The following RRN3 variants were observed in gnomAD, a reference collection of about 807,000 sequenced individuals.
RRN3 encodes RNA polymerase I transcription factor RRN3.
Under a neutral mutation model 82.3 loss-of-function variants are expected in RRN3, and 38 were observed. That is an observed-to-expected ratio of 0.46 (90% CI 0.36 to 0.61). RRN3 has a LOEUF of 0.61. Among genes scored for constraint, RRN3 ranks in the 20% least tolerant of loss-of-function variants. RRN3 has a pLI of 0.00. For synonymous variants in RRN3, 284 were observed against 284.3 expected, an observed-to-expected ratio of 1.00 and a Z score of 0.01; for missense variants, 726 against 793.1, an observed-to-expected ratio of 0.92 and a Z score of 1.02.
In RRN3 at chr16:15,068,284, T is replaced by C. The variant is rs1235626660; in HGVS notation, c.1445-7A>G. On this transcript the variant is annotated splice_region_variant and splice_polypyrimidine_tract_variant and intron_variant, in intron 14 of 17. Transcript: ENST00000198767. ...CTCTGAAGATACTGCAAACCTTTGG[T>C]TTAAAAAAAAAAAAGATTTTTTTAA... The C allele has an allele frequency of 6.4e-7, 1 of 1,559,610 alleles. No individual in the cohort carries two copies. Among genetic ancestry groups the C allele is most frequent in the Non-Finnish European group, 8.6e-7 (1 of 1,159,774 alleles).
chr16:15,063,472 G>A (rs942542656), intron 16 of RRN3, among the ~76,000 whole-genome samples, 189 bp from the exon 17 acceptor site: 9 of 152,078 alleles, frequency 5.9e-5, no homozygotes, highest in Non-Finnish European at 1.3e-4. Flanking sequence ...ACTTTGGGAG[G>A]CTGAGGTGGG....
chr16:15,083,381 A>G (rs1023142474), intron 8 of RRN3, 132 bp downstream of exon 8: 79 of 1,383,158 alleles, frequency 5.7e-5, no homozygotes, highest in Non-Finnish European at 7.1e-5. Context: ...CTTGGGCGAC[A>G]GAGTGAGACT....
chr16:15,092,047 T>C (rs2151828179), intron 2 of RRN3, among the ~76,000 whole-genome samples: 1 of 152,142 alleles, frequency 6.6e-6, no homozygotes, highest in South Asian at 2.1e-4. Flanking sequence ...GGTGTGGTGG[T>C]GTGTGCCTGT....
chr16:15,094,280 T>C (rs1435516390), upstream of RRN3: 1 of 1,434,590 alleles, frequency 7.0e-7, no homozygotes, highest in Non-Finnish European at 9.6e-7. Flanking sequence ...GATGCCCAGC[T>C]CCTTCCAGCC....
intron 9 of RRN3, among the ~76,000 whole-genome samples, chr16:15,078,371 C>G (rs1315160008): frequency 2.0e-5 from 3 of 152,112 alleles, no homozygotes; most frequent in Non-Finnish European, 2.9e-5. Context: ...TCCATCCCCT[C>G]CTTCCACCAC....
chr16:15,087,403 A>G (rs554927522), intron 3 of RRN3, among the ~76,000 whole-genome samples: 1 of 152,284 alleles, frequency 6.6e-6, no homozygotes, highest in Non-Finnish European at 1.5e-5. Flanking sequence ...CCCAACCAAG[A>G]GGCCAGTAAA....
At chr16:15,073,808 G>A (rs2045340091) in intron 11 of RRN3, among the ~76,000 whole-genome samples, 1 of 151,950 alleles carries the variant, frequency 6.6e-6, no homozygotes, top group African/African-American at 2.4e-5. Flanking sequence ...TTTTAGAGAT[G>A]GGGTCTTGTT....
At chr16:15,072,259 AAAG>A (rs1167064106) in intron 12 of RRN3, among the ~76,000 whole-genome samples, 35 of 151,570 alleles carry the variant, frequency 2.3e-4, no homozygotes, top group East Asian at 1.2e-3. Context: ...AAAAAAAAAA[AAAG>A]AAGAAGAAGA....
intron 15 of RRN3, among the ~76,000 whole-genome samples, chr16:15,067,849 C>G (rs151137079): frequency 1.3e-5 from 2 of 152,176 alleles, no homozygotes; most frequent in Non-Finnish European, 2.9e-5. Flanking sequence ...CCTTGACTTC[C>G]TGGGCTCAAG....
At chr16:15,065,918 G>A (rs1344348472) in intron 15 of RRN3, among the ~76,000 whole-genome samples, 2 of 152,212 alleles carry the variant, frequency 1.3e-5, no homozygotes, top group African/African-American at 2.4e-5. Flanking sequence ...GAAAGGACTA[G>A]GCATGCCGAG....
chr16:15,068,645 C>T (rs1051926770), intron 14 of RRN3, among the ~76,000 whole-genome samples: 5 of 152,194 alleles, frequency 3.3e-5, no homozygotes, highest in Non-Finnish European at 7.3e-5. Context: ...GGCAACAAAA[C>T]AAAACAGCAA....
chr16:15,076,705 T>C, intron 9 of RRN3, 55 bp from the exon 10 acceptor site: 2 of 1,278,340 alleles, frequency 1.6e-6, no homozygotes, highest in Non-Finnish European at 2.3e-6. Context: ...TACAACTATG[T>C]TATTTTGGGA....
At chr16:15,083,702 A>G (rs1353678823) in intron 7 of RRN3, 120 bp from the exon 8 acceptor site, 129 of 1,398,846 alleles carry the variant, frequency 9.2e-5, no homozygotes, top group Non-Finnish European at 1.2e-4. Context: ...AGGAACCCCT[A>G]CCTCAAAGAA....
rs1409840881 is a variant in RRN3 at position 15,060,869 on chromosome 16, C to A, written c.*875G>T. The A allele has an allele frequency of 2.0e-5, 3 of 152,162 alleles. No homozygotes were observed. The highest frequency in any genetic ancestry group is 4.4e-5 in the Non-Finnish European group (3 of 68,042). 9.4% of individuals were successfully genotyped at this position (152,162 alleles called of 1,614,324 possible). A position where few individuals can be genotyped will look rare whatever the true frequency, so the allele number is the denominator to read the frequency against. On this transcript the variant is annotated 3_prime_UTR_variant, in exon 18 of 18. Transcript: ENST00000198767. ...TTCCCAATAACTAAGTGATGCAGAT[C>A]AAAACTGACTCGATCTAATGGCCAC...
chr16:15,075,597 G>T (rs2045421361), intron 10 of RRN3, among the ~76,000 whole-genome samples: 1 of 152,062 alleles, frequency 6.6e-6, no homozygotes. Flanking sequence ...AGAAAAGAAA[G>T]AAAGAAATGC....
At chr16:15,093,041 C>T (rs1384884262) in intron 1 of RRN3, among the ~76,000 whole-genome samples, 1 of 151,886 alleles carries the variant, frequency 6.6e-6, no homozygotes, top group Non-Finnish European at 1.5e-5. Context: ...TCTTGCTCTG[C>T]TGCCCAGGCT....
At chr16:15,090,823 T>C (rs1350543071) in intron 3 of RRN3, among the ~76,000 whole-genome samples, 1 of 151,840 alleles carries the variant, frequency 6.6e-6, no homozygotes, top group Non-Finnish European at 1.5e-5. Flanking sequence ...ATTCAGCTTT[T>C]ACTACATGAT....
intron 14 of RRN3, among the ~76,000 whole-genome samples, chr16:15,069,238 T>C (rs996787325): frequency 9.9e-5 from 15 of 152,104 alleles, no homozygotes; most frequent in African/African-American, 3.6e-4. Context: ...GGTCGGGGAC[T>C]GCTGTTGGCA....
Position 15,092,581 on chromosome 16 carries a change from A to G in RRN3, c.123T>C (p.Phe41=), listed in dbSNP as rs1357189993. 6.2e-7 allele frequency: 1 copy of G among 1,613,360 alleles called. No homozygotes were observed. Among genetic ancestry groups the G allele is most frequent in the Non-Finnish European group, 8.5e-7 (1 of 1,179,330 alleles). Residue 41 remains phenylalanine (F), a synonymous_variant, in exon 2 of 18, where the codon TTT becomes TTC. Transcript: ENST00000198767. ...ISNMRALEND[F]FNSPPRKTVR... ...CAGTTTTTCTTGGGGGAGAATTGAA[A>G]AAGTCATTCTCTAATGCACGCATAT...
Sources: gnomAD v4.1 joint callset for allele counts (sites outside exome capture counted in the v4.1 genomes callset) on GRCh38, gnomAD v4.1.1 for gene constraint, MANE v1.5 for transcripts, NCBI Gene and HGNC (gene_info 2026-07-23, HGNC 2026-07-21) for gene names.